The following CREB5 variants were observed in gnomAD, a reference collection of about 807,000 sequenced individuals.
CREB5 encodes the protein cAMP responsive element binding protein 5, also known as cyclic AMP-responsive element-binding protein 5.
CREB5 carries 19 observed loss-of-function variants against 57.1 expected under a neutral mutation model. That is an observed-to-expected ratio of 0.33 (90% confidence interval 0.23 to 0.49). The LOEUF (loss-of-function observed/expected upper bound fraction) is 0.49. Ranked by LOEUF, CREB5 falls within the 20% of genes least tolerant of loss-of-function variation. The pLI, the probability that CREB5 is intolerant of heterozygous loss-of-function variation, is 0.99. For synonymous variants in CREB5, 238 were observed against 238.3 expected, an observed-to-expected ratio of 1.00 and a Z score of 0.01; for missense variants, 579 against 671.6, an observed-to-expected ratio of 0.86 and a Z score of 1.52.
At position 28,520,287 on chromosome 7, in the gene CREB5, G is replaced by A. The variant is rs1189502579; in HGVS notation, c.291+12550G>A. ...TATGCCAACTTCCTCCTTCGTAGTT[G>A]TCTCCGCATCCTCCTGCCTCAGGCT... On this transcript the variant is annotated intron_variant, in intron 4 of 10. Transcript: ENST00000357727. Among the ~76,000 whole-genome samples the A allele has an allele frequency of 2.0e-5, 3 of 152,158 alleles. No homozygotes were observed. The East Asian group carries it at 5.8e-4, about 29-fold the overall frequency.
At chr7:28,380,496 G>A (rs1786946128) in intron 1 of CREB5, among the ~76,000 whole-genome samples, 2 of 152,164 alleles carry the variant, frequency 1.3e-5, no homozygotes, top group South Asian at 2.1e-4. Context: ...ATCCCACTGT[G>A]GGCATTAAAA....
intron 5 of CREB5, among the ~76,000 whole-genome samples, chr7:28,673,850 T>C (rs183367308): frequency 1.3e-5 from 2 of 151,956 alleles, no homozygotes; most frequent in Admixed American, 1.3e-4. Context: ...ATTTTTGTAT[T>C]TTTTGTAGAG....
intron 4 of CREB5, among the ~76,000 whole-genome samples, chr7:28,513,045 A>ATT (rs1792781133): frequency 6.6e-6 from 1 of 152,230 alleles, no homozygotes; most frequent in African/African-American, 2.4e-5. Context: ...TCAGCTCCGC[A>ATT]AAGCAGGCTG....
At chr7:28,610,187 T>C (rs1024854849) in intron 5 of CREB5, among the ~76,000 whole-genome samples, 5 of 152,096 alleles carry the variant, frequency 3.3e-5, no homozygotes, top group African/African-American at 1.2e-4. Flanking sequence ...ATGTCTCCTG[T>C]TCATCTTGGG....
chr7:28,731,757 T>G (rs932953839), intron 7 of CREB5, among the ~76,000 whole-genome samples: 15 of 152,186 alleles, frequency 9.9e-5, no homozygotes, highest in African/African-American at 3.6e-4. Context: ...TGAAGCGAAG[T>G]ACACAGGGGT....
rs549770341 is a variant in CREB5, at chr7:28,824,434, A to T, written c.*5155A>T. 6.5e-6 allele frequency: 1 copy of T among 152,702 alleles called. No homozygotes were observed. Among genetic ancestry groups the T allele is most frequent in the African/African-American group, 2.4e-5 (1 of 41,544 alleles). 9.5% of individuals were successfully genotyped at this position (152,702 alleles called of 1,614,324 possible). ...ATAGACTCTCTGAGGCCACTGAAAGAACAGTGGCCCTATCGATTTCATTCC... is the reference window on the plus strand; with the variant it reads ...ATAGACTCTCTGAGGCCACTGAAAGTACAGTGGCCCTATCGATTTCATTCC... On this transcript the variant is annotated 3_prime_UTR_variant, in exon 11 of 11. Transcript: ENST00000357727.
At chr7:28,743,430 G>A (rs968043096) in intron 7 of CREB5, among the ~76,000 whole-genome samples, 1 of 152,144 alleles carries the variant, frequency 6.6e-6, no homozygotes, top group African/African-American at 2.4e-5. Flanking sequence ...CTACTTGGGA[G>A]GCTGAAATGG....
intron 4 of CREB5, among the ~76,000 whole-genome samples, chr7:28,545,557 T>G (rs1794380940): frequency 6.6e-6 from 1 of 152,216 alleles, no homozygotes; most frequent in Non-Finnish European, 1.5e-5. Context: ...TTTCAGAAAC[T>G]TAGAAGATCA....
At chr7:28,670,935 A>G (rs1312988401) in intron 5 of CREB5, among the ~76,000 whole-genome samples, 6 of 152,110 alleles carry the variant, frequency 3.9e-5, no homozygotes, top group African/African-American at 1.4e-4. Context: ...GCCTCAGGCA[A>G]TTGCACTTGG....
intron 7 of CREB5, among the ~76,000 whole-genome samples, chr7:28,757,816 C>T (rs945410534): frequency 2.6e-5 from 4 of 152,042 alleles, no homozygotes; most frequent in Middle Eastern, 3.2e-3. Flanking sequence ...ATTTACATTA[C>T]ACCGGTTGAG....
chr7:28,396,474 T>C (rs1438885326), intron 1 of CREB5, among the ~76,000 whole-genome samples: 1 of 152,170 alleles, frequency 6.6e-6, no homozygotes, highest in Non-Finnish European at 1.5e-5. Flanking sequence ...TACTAATCTA[T>C]ATCAGTGTCA....
At chr7:28,461,864 TTA>T (rs576605559) in intron 1 of CREB5, among the ~76,000 whole-genome samples, 4 of 151,694 alleles carry the variant, frequency 2.6e-5, no homozygotes, top group African/African-American at 2.4e-5. Context: ...ACTTGTAGTT[TTA>T]TATATATATA....
At chr7:28,592,016 C>G (rs1796539272) in intron 5 of CREB5, among the ~76,000 whole-genome samples, 1 of 152,124 alleles carries the variant, frequency 6.6e-6, no homozygotes, top group African/African-American at 2.4e-5. Context: ...GAAATTAGAG[C>G]TGAAGCAATT....
In CREB5 at chr7:28,364,072, G is replaced by T. The variant is rs1165949084; in HGVS notation, c.-25+64631G>T. ...TGGATAAGTAAACATTTACCTAATT[G>T]CTTATTTCTCTAAAATTTCATCTCA... On this transcript the variant is annotated intron_variant, in intron 1 of 9. Coordinates refer to the CREB5 transcript ENST00000396299. Among the ~76,000 whole-genome samples, 3 of 152,254 alleles carry T rather than the reference G, an allele frequency of 2.0e-5. No individual in the cohort carries two copies. In the East Asian group the frequency reaches 5.8e-4, roughly 29 times the overall value.
chr7:28,504,287 T>G (rs191702867), intron 3 of CREB5, among the ~76,000 whole-genome samples: 273 of 152,340 alleles, frequency 1.8e-3, no homozygotes, highest in Non-Finnish European at 2.9e-3. Flanking sequence ...GCAATCTCCA[T>G]GGCCATAAAT....
At chr7:28,463,302 T>A (rs1056813636) in intron 1 of CREB5, among the ~76,000 whole-genome samples, 10 of 152,338 alleles carry the variant, frequency 6.6e-5, no homozygotes, top group African/African-American at 2.4e-4. Flanking sequence ...TCTATCCTTA[T>A]GCCAGTACCG....
chr7:28,562,576 G>A (rs922626854), intron 4 of CREB5, among the ~76,000 whole-genome samples: 2 of 152,150 alleles, frequency 1.3e-5, no homozygotes, highest in Non-Finnish European at 2.9e-5. Context: ...GGGTGAGGGG[G>A]CTAAGGCCAC....
intron 5 of CREB5, among the ~76,000 whole-genome samples, chr7:28,574,379 A>C (rs1277980668): frequency 6.6e-6 from 1 of 152,232 alleles, no homozygotes; most frequent in Non-Finnish European, 1.5e-5. Flanking sequence ...GCAGAAGGGT[A>C]GGTAGCACTA....
At chr7:28,386,486 C>T (rs987156933) in intron 1 of CREB5, among the ~76,000 whole-genome samples, 8 of 152,110 alleles carry the variant, frequency 5.3e-5, no homozygotes, top group African/African-American at 1.2e-4. Context: ...TTTGCAGCTT[C>T]GTTGATGGGT....
Sources: allele counts gnomAD v4.1 joint callset (sites outside exome capture counted in the v4.1 genomes callset), GRCh38; gene constraint gnomAD v4.1.1; transcripts MANE v1.5; gene names NCBI Gene and HGNC (gene_info 2026-07-23, HGNC 2026-07-21).